ATF6: variants seen among roughly 807,000 people sequenced by gnomAD.
ATF6 encodes the protein cyclic AMP-dependent transcription factor ATF-6 alpha.
A neutral mutation model predicts 83.6 loss-of-function variants in ATF6; 53 were observed. That is an observed-to-expected ratio of 0.63 (90% CI 0.51 to 0.80). ATF6 has a LOEUF of 0.80. ATF6 is among the 30% of genes least tolerant of loss of function. ATF6 has a pLI of 0.00. For missense variants in ATF6, 744 were observed against 797.9 expected (o/e 0.93, Z 0.81); for synonymous variants, 288 against 285.8 (o/e 1.01, Z -0.08).
At chr1:161,783,865 T>C in intron 3 of ATF6, 125 bp from the exon 4 acceptor site, 3 of 647,732 alleles carry the variant, frequency 4.6e-6, no homozygotes, top group South Asian at 3.7e-5. Context: ...TCACTCGTTA[T>C]ATTTTGGTGA....
intron 10 of ATF6, among the ~76,000 whole-genome samples, chr1:161,848,856 T>A (rs570266602): frequency 1.3e-5 from 2 of 152,234 alleles, no homozygotes; most frequent in East Asian, 3.9e-4. Context: ...TCTAATTGTC[T>A]CCAGATTGTA....
chr1:161,821,123 A>C lies in ATF6; in HGVS notation c.1149A>C (p.Ile383=), dbSNP rs747921362. ...AGCGAAGAGTTGTCTGTGTGATGATAGTATTGGCATTTATAATACTGAACT... is the reference window on the plus strand; with the variant it reads ...AGCGAAGAGTTGTCTGTGTGATGATCGTATTGGCATTTATAATACTGAACT... ...SPKRRVVCVM[I]VLAFIILNYG... Residue 383 remains isoleucine, a synonymous_variant, in exon 9 of 16, where the codon ATA becomes ATC. Coordinates refer to ENST00000367942, the MANE Select transcript of ATF6 (RefSeq NM_007348.4). The C allele has an allele frequency of 6.2e-7, 1 of 1,612,938 alleles. No individual in the cohort carries two copies. Among genetic ancestry groups the C allele is most frequent in the Non-Finnish European group, 8.5e-7 (1 of 1,179,408 alleles).
At chr1:161,937,650 G>C (rs557622791) in intron 15 of ATF6, among the ~76,000 whole-genome samples, 1 of 148,198 alleles carries the variant, frequency 6.7e-6, no homozygotes, top group Non-Finnish European at 1.5e-5. Flanking sequence ...ACAGAAAACC[G>C]AACACTGCAT....
intron 7 of ATF6, among the ~76,000 whole-genome samples, chr1:161,803,387 A>G (rs529914844): frequency 1.3e-5 from 2 of 152,344 alleles, no homozygotes; most frequent in South Asian, 4.1e-4. Flanking sequence ...ATGCATGTCA[A>G]GACATGGAAT....
chr1:161,929,776 C>G (rs2101901234), intron 15 of ATF6, among the ~76,000 whole-genome samples: 1 of 152,310 alleles, frequency 6.6e-6, no homozygotes, highest in Admixed American at 6.5e-5. Flanking sequence ...GTTCCTAAAC[C>G]AGTTTACAAA....
chr1:161,931,781 G>A (rs1688439052), intron 15 of ATF6, among the ~76,000 whole-genome samples: 2 of 151,994 alleles, frequency 1.3e-5, no homozygotes, highest in Non-Finnish European at 2.9e-5. Flanking sequence ...AGTCACTTAT[G>A]AGATATATGA....
At chr1:161,868,398 C>T (rs986876404) in intron 14 of ATF6, among the ~76,000 whole-genome samples, 1 of 151,974 alleles carries the variant, frequency 6.6e-6, no homozygotes. Flanking sequence ...AATTATTATT[C>T]TTTTTTCCCC....
chr1:161,916,795 G>A (rs898525475), intron 15 of ATF6, among the ~76,000 whole-genome samples: 2 of 152,124 alleles, frequency 1.3e-5, no homozygotes, highest in Admixed American at 1.3e-4. Context: ...TGTATACAAT[G>A]TAATGAATTT....
At chr1:161,773,116 C>A (rs1353919815) in intron 1 of ATF6, among the ~76,000 whole-genome samples, 1 of 151,246 alleles carries the variant, frequency 6.6e-6, no homozygotes, top group Non-Finnish European at 1.5e-5. Context: ...CAGGCGCCTG[C>A]CACCATGCCC....
intron 6 of ATF6, among the ~76,000 whole-genome samples, chr1:161,793,831 C>T (rs1204382236): frequency 1.3e-5 from 2 of 152,180 alleles, no homozygotes; most frequent in Non-Finnish European, 2.9e-5. Context: ...TTTGAAACTT[C>T]AATACTTTCC....
intron 15 of ATF6, among the ~76,000 whole-genome samples, chr1:161,917,514 G>A (rs920175464): frequency 2.7e-4 from 41 of 151,730 alleles, no homozygotes; most frequent in African/African-American, 8.0e-4. Flanking sequence ...TCCACCTCCC[G>A]GGTTCACACC....
At chr1:161,823,758 C>T (rs1685817911) in intron 9 of ATF6, among the ~76,000 whole-genome samples, 2 of 152,166 alleles carry the variant, frequency 1.3e-5, no homozygotes, top group Non-Finnish European at 2.9e-5. Context: ...TTTAGACTCA[C>T]ATCGGTATGC....
intron 15 of ATF6, among the ~76,000 whole-genome samples, chr1:161,928,013 C>T (rs1288866835): frequency 6.6e-6 from 1 of 152,098 alleles, no homozygotes; most frequent in Admixed American, 6.5e-5. Flanking sequence ...GTTCAGCTCC[C>T]CTTTTTTGAG....
At chr1:161,848,343 G>GT (rs1686530915) in intron 10 of ATF6, among the ~76,000 whole-genome samples, 1 of 151,726 alleles carries the variant, frequency 6.6e-6, no homozygotes, top group Non-Finnish European at 1.5e-5. Flanking sequence ...AATTTTAGAT[G>GT]TTTTATCTAT....
At chr1:161,803,293 A>G (rs1571144734) in intron 7 of ATF6, among the ~76,000 whole-genome samples, 1 of 152,220 alleles carries the variant, frequency 6.6e-6, no homozygotes, top group African/African-American at 2.4e-5. Context: ...GTAAAAATTC[A>G]TAACAAAGGA....
intron 11 of ATF6, 66 bp downstream of exon 11, chr1:161,851,901 C>T: frequency 3.5e-6 from 4 of 1,156,954 alleles, no homozygotes; most frequent in East Asian, 4.7e-5. Context: ...GGAACCTAGA[C>T]AAGTAATTGG....
intron 9 of ATF6, among the ~76,000 whole-genome samples, chr1:161,843,766 C>T (rs908387092): frequency 3.9e-5 from 6 of 152,086 alleles, no homozygotes; most frequent in Non-Finnish European, 5.9e-5. Flanking sequence ...GATAAACCTA[C>T]GTTTTTACAG....
intron 14 of ATF6, among the ~76,000 whole-genome samples, chr1:161,897,224 A>G (rs967324169): frequency 9.2e-5 from 14 of 152,088 alleles, no homozygotes; most frequent in Non-Finnish European, 1.6e-4. Context: ...GCCTGAGCTC[A>G]GGAGTTTGAG....
intron 14 of ATF6, among the ~76,000 whole-genome samples, chr1:161,867,312 G>T (rs1558003065): frequency 6.6e-6 from 1 of 151,876 alleles, no homozygotes; most frequent in African/African-American, 2.4e-5. Flanking sequence ...AAATGCTTTT[G>T]TATGATAGTC....
Sources: gnomAD v4.1 joint callset for allele counts (sites outside exome capture counted in the v4.1 genomes callset) on GRCh38, gnomAD v4.1.1 for gene constraint, MANE v1.5 for transcripts, NCBI Gene and HGNC (gene_info 2026-07-23, HGNC 2026-07-21) for gene names.